The following ANO2 variants were observed in gnomAD, a reference collection of about 807,000 sequenced individuals.
ANO2 encodes anoctamin-2.
A neutral mutation model predicts 124.2 loss-of-function variants in ANO2; 101 were observed. The ratio of observed to expected loss-of-function variants is 0.81; its 90% CI spans 0.69 to 0.96. ANO2 has a LOEUF of 0.96. ANO2 is among the 40% of genes least tolerant of loss of function. ANO2 has a pLI of 0.00. For missense variants in ANO2, 1,293 were observed against 1,274.5 expected (o/e 1.01, Z -0.22); for synonymous variants, 486 against 482.5 (o/e 1.01, Z -0.09).
rs375363538 is a variant in ANO2 at position 5,615,279 on chromosome 12, T to C, written c.1835A>G (p.Gln612Arg). Residue 612 changes from glutamine to arginine, a missense_variant, in exon 17 of 25, where the codon CAG becomes CGG. Transcript: ENST00000682330. ...LTKIEVPKTE[Q>R]TFEERLILKA... ...GAGGATCAGGCGCTCTTCAAAAGTC[T>C]GTTCTGTTTTCGGAACCTCTGTAAG... 1.9e-6 allele frequency: 3 copies of C among 1,613,126 alleles called. No homozygotes were observed. Among genetic ancestry groups the C allele is most frequent in the Non-Finnish European group, 2.5e-6 (3 of 1,179,594 alleles).
intron 3 of ANO2, among the ~76,000 whole-genome samples, chr12:5,855,302 A>T (rs923879770): frequency 1.3e-5 from 2 of 152,194 alleles, no homozygotes; most frequent in African/African-American, 4.8e-5. Flanking sequence ...ACGTCCCCCC[A>T]CTGAAGAACA....
rs186721757 is a variant in ANO2 at position 5,710,965 on chromosome 12, T to C, written c.1545+21555A>G. On this transcript the variant is annotated intron_variant, in intron 14 of 24. Transcript: ENST00000682330. ...CGAGGTCAGGAGATCGAGACCATCC[T>C]GGCTAACACGGTGAAACCCCGTCTC... Among the ~76,000 whole-genome samples the C allele has an allele frequency of 2.6e-4, 39 of 152,202 alleles. No individual in the cohort carries two copies. In the Middle Eastern group the frequency reaches 0.01, roughly 40 times the overall value.
At chr12:5,909,884 A>T (rs920059592) in intron 3 of ANO2, among the ~76,000 whole-genome samples, 4 of 152,228 alleles carry the variant, frequency 2.6e-5, no homozygotes, top group Non-Finnish European at 4.4e-5. Flanking sequence ...TTTTGGGGCC[A>T]TGGAATGGAA....
In ANO2 at chr12:5,724,916, T is replaced by A. The variant is rs558374522; in HGVS notation, c.1545+7604A>T. Among the ~76,000 whole-genome samples the A allele has an allele frequency of 8.9e-4, 135 of 152,288 alleles. No individual in the cohort carries two copies. In the Middle Eastern group the frequency reaches 0.017, roughly 19 times the overall value. On this transcript the variant is annotated intron_variant, in intron 14 of 24. Coordinates refer to ENST00000682330, the MANE Select transcript of ANO2 (RefSeq NM_001364791.2). ...GTTTTAAAGTCCTTTCAGTGATATG[T>A]TTCATAGAAGTATGAAACCTACATT... is the stretch of plus-strand genomic sequence containing the variant.
rs1476440142 is a variant in ANO2, at chr12:5,603,515, G to C, written c.2088-3886C>G. Among the ~76,000 whole-genome samples the C allele has an allele frequency of 5.3e-5, 8 of 152,310 alleles. 1 individual carries two copies. In the South Asian group the frequency reaches 1.7e-3, roughly 32 times the overall value. On this transcript the variant is annotated intron_variant, in intron 19 of 24. Coordinates refer to ENST00000682330, the MANE Select transcript of ANO2 (RefSeq NM_001364791.2). ...AGATGGTAGAAGAAGAAAGAGAAAG[G>C]TGGAGAGAGTGTGAGGGGCAAAGAG...
intron 3 of ANO2, among the ~76,000 whole-genome samples, chr12:5,891,378 C>T (rs1202108833): frequency 6.6e-6 from 1 of 152,110 alleles, no homozygotes; most frequent in Non-Finnish European, 1.5e-5. Context: ...ACCCCTGTTG[C>T]TTTTTTCTCT....
Position 5,817,618 on chromosome 12 carries a change from A to G in ANO2, c.892+10151T>C, listed in dbSNP as rs973768189. Among the ~76,000 whole-genome samples, 10 of 152,332 alleles carry G rather than the reference A, an allele frequency of 6.6e-5. No individual in the cohort carries two copies. In the South Asian group the frequency reaches 1.7e-3, roughly 25 times the overall value. On this transcript the variant is annotated intron_variant, in intron 7 of 24. Transcript: ENST00000682330. ...CATCACTGAGATTGGGGAAAAACAC[A>G]GGCAGGACATTCAGGAAAAGGAAAC...
intron 7 of ANO2, among the ~76,000 whole-genome samples, chr12:5,824,129 T>C (rs191368530): frequency 1.3e-5 from 2 of 152,248 alleles, no homozygotes; most frequent in Non-Finnish European, 2.9e-5. Context: ...GCTGTGAAGG[T>C]CCCTGACATG....
chr12:5,923,163 T>TACACACACACAC (rs60529043), intron 1 of ANO2, among the ~76,000 whole-genome samples: 1 of 16,128 alleles, frequency 6.2e-5, no homozygotes, highest in African/African-American at 1.4e-4. Context: ...CACACACGCA[T>TACACACACACAC]ACACACACAC....
intron 10 of ANO2, among the ~76,000 whole-genome samples, chr12:5,782,165 TG>T (rs1396099931): frequency 3.9e-5 from 6 of 152,366 alleles, no homozygotes; most frequent in Admixed American, 1.3e-4. Flanking sequence ...GTCTTCTTAA[TG>T]AATTAACCCC....
chr12:5,776,126 C>G (rs1023114026), intron 10 of ANO2, among the ~76,000 whole-genome samples: 2 of 152,170 alleles, frequency 1.3e-5, no homozygotes, highest in Non-Finnish European at 2.9e-5. Flanking sequence ...ACATATGTCC[C>G]CATACCTCAC....
At chr12:5,837,882 T>C (rs1280484518) in intron 4 of ANO2, among the ~76,000 whole-genome samples, 1 of 151,138 alleles carries the variant, frequency 6.6e-6, no homozygotes, top group African/African-American at 2.4e-5. Flanking sequence ...CTGAAGGAAA[T>C]AGAGACACAA....
In ANO2 at chr12:5,564,012, C is replaced by T. The variant is rs554067762; in HGVS notation, c.2728-444G>A. On this transcript the variant is annotated intron_variant, in intron 24 of 24. Coordinates refer to ENST00000682330, the MANE Select transcript of ANO2 (RefSeq NM_001364791.2). The stretch of plus-strand genomic sequence containing the variant: ...ACAAAGCCCAGTGGCTTCTCCTGGG[C>T]TGTCACGGTGCCACTTGTTCCTCTC... Among the ~76,000 whole-genome samples the T allele has an allele frequency of 2.6e-3, 395 of 152,360 alleles. 1 individual carries two copies. The highest frequency in any genetic ancestry group is 9.2e-3 in the African/African-American group (381 of 41,592).
rs182139092 is a variant in ANO2 at position 5,640,781 on chromosome 12, G to A, written c.1621-5434C>T. On this transcript the variant is annotated intron_variant, in intron 15 of 24. Transcript: ENST00000682330. The stretch of plus-strand genomic sequence containing the variant: ...ACACTTTTACACTGTTGGTGGGAGC[G>A]TGAACTAGTTCAACGATTGTGGAAG... Among the ~76,000 whole-genome samples, 144 of 152,292 alleles carry A rather than the reference G, an allele frequency of 9.5e-4. 2 individuals carry two copies. The highest frequency in any genetic ancestry group is 3.1e-3 in the East Asian group (16 of 5,180).
chr12:5,914,055 C>T (rs1024394541), intron 3 of ANO2, among the ~76,000 whole-genome samples: 1 of 152,028 alleles, frequency 6.6e-6, no homozygotes, highest in African/African-American at 2.4e-5. Flanking sequence ...CAAAAATTAG[C>T]TGGGCATGGT....
At position 5,916,712 on chromosome 12, in the gene ANO2, T is replaced by G. The variant is rs144026774; in HGVS notation, c.534+4328A>C. 8.6e-3 allele frequency among the ~76,000 whole-genome samples: 1,000 copies of G among 116,532 alleles called. 15 individuals are homozygous for G. The highest frequency in any genetic ancestry group is 0.024 in the African/African-American group (943 of 39,532). 76.4% of individuals were successfully genotyped at this position (116,532 alleles called of 152,430 possible). ...TAAAACTGTTCTACACAATAAAGTC[T>G]TTTTTTTAATTTAAAAAAAAAAACA... On this transcript the variant is annotated intron_variant, in intron 3 of 24. Coordinates refer to ENST00000682330, the MANE Select transcript of ANO2 (RefSeq NM_001364791.2).
At chr12:5,813,427 G>T (rs567814876) in intron 7 of ANO2, among the ~76,000 whole-genome samples, 1 of 152,260 alleles carries the variant, frequency 6.6e-6, no homozygotes, top group African/African-American at 2.4e-5. Flanking sequence ...CAGATCTTCG[G>T]ACCTTGCCCC....
At position 5,916,491 on chromosome 12, in the gene ANO2, T is replaced by TAAAAAAAA. The variant is rs769233593; in HGVS notation, c.534+4548_534+4549insTTTTTTTT. ...CTCTGAATAGAAAAATCGCAGCAGG[T>TAAAAAAAA]TAAAAAAAAAAAAAAAAAAAAAGGC... On this transcript the variant is annotated intron_variant, in intron 3 of 24. Coordinates refer to ENST00000682330, the MANE Select transcript of ANO2 (RefSeq NM_001364791.2). Among the ~76,000 whole-genome samples the TAAAAAAAA allele has an allele frequency of 8.3e-4, 81 of 98,120 alleles. 7 individuals are homozygous for TAAAAAAAA. Among genetic ancestry groups the TAAAAAAAA allele is most frequent in the Middle Eastern group, 7.6e-3 (1 of 132 alleles). The allele number at this position is 98,120 out of a possible 152,430, so 64.4% of individuals were successfully genotyped here.
intron 14 of ANO2, among the ~76,000 whole-genome samples, chr12:5,712,501 G>A (rs1949855110): frequency 6.6e-6 from 1 of 152,150 alleles, no homozygotes; most frequent in African/African-American, 2.4e-5. Flanking sequence ...ACCAAGGGCT[G>A]GAAGAGGCAA....
Sources: gnomAD v4.1 joint callset for allele counts (sites outside exome capture counted in the v4.1 genomes callset) on GRCh38, gnomAD v4.1.1 for gene constraint, MANE v1.5 for transcripts, NCBI Gene and HGNC (gene_info 2026-07-23, HGNC 2026-07-21) for gene names.